PCDH15: variants seen among roughly 807,000 people sequenced by gnomAD.
PCDH15 encodes the protein protocadherin-15.
PCDH15 carries 129 observed loss-of-function variants against 178.5 expected under a neutral mutation model. That is an observed-to-expected ratio of 0.72 (90% CI 0.63 to 0.84). The LOEUF is 0.84. Among genes scored for constraint, PCDH15 ranks in the 40% least tolerant of loss-of-function variants. The pLI, the probability that PCDH15 is intolerant of heterozygous loss-of-function variation, is 0.00. For missense variants in PCDH15, 2,230 were observed against 2,099.9 expected (o/e 1.06, Z -1.21); for synonymous variants, 800 against 732.0 (o/e 1.09, Z -1.50).
chr10:55,449,196 C>T (rs1839381192), intron 2 of PCDH15, among the ~76,000 whole-genome samples: 1 of 151,962 alleles, frequency 6.6e-6, no homozygotes, highest in Admixed American at 6.6e-5. Context: ...CATTGTAAAA[C>T]CTCATTTTAC....
At chr10:54,969,410 C>T (rs1322860949) in intron 2 of PCDH15, among the ~76,000 whole-genome samples, 1 of 152,150 alleles carries the variant, frequency 6.6e-6, no homozygotes, top group Non-Finnish European at 1.5e-5. Flanking sequence ...TAATTTTCCA[C>T]CCTGGCCAGT....
chr10:55,558,515 A>C (rs1842133650), intron 2 of PCDH15, among the ~76,000 whole-genome samples: 1 of 152,144 alleles, frequency 6.6e-6, no homozygotes, highest in Non-Finnish European at 1.5e-5. Flanking sequence ...ATTTTATATG[A>C]AAGTAATTCT....
intron 9 of PCDH15, among the ~76,000 whole-genome samples, chr10:54,216,629 T>A (rs558856773): frequency 6.6e-6 from 1 of 152,310 alleles, no homozygotes; most frequent in Admixed American, 6.5e-5. Context: ...TTAGCAGTTG[T>A]CCCAGTTGGA....
At chr10:54,436,668 C>T (rs1396497977) in intron 3 of PCDH15, among the ~76,000 whole-genome samples, 1 of 152,116 alleles carries the variant, frequency 6.6e-6, no homozygotes, top group African/African-American at 2.4e-5. Flanking sequence ...CCTTAACCTA[C>T]ACACCAAATA....
Position 54,073,757 on chromosome 10 carries a change from T to C in PCDH15, c.2091+5574A>G, listed in dbSNP as rs535877346. On this transcript the variant is annotated intron_variant, in intron 17 of 37. Transcript: ENST00000644397. Reference sequence around the variant, plus strand: ...ATAATATTGCTGAACACACGGAATCTGGTCAGAAATATCTAGGCTACAGAA... The same window carrying C: ...ATAATATTGCTGAACACACGGAATCCGGTCAGAAATATCTAGGCTACAGAA... Among the ~76,000 whole-genome samples, 4 of 152,302 alleles carry C rather than the reference T, an allele frequency of 2.6e-5. No homozygotes were observed. In the East Asian group the frequency reaches 7.7e-4, roughly 29 times the overall value.
At chr10:55,543,586 C>A (rs1185139576) in intron 2 of PCDH15, among the ~76,000 whole-genome samples, 2 of 150,940 alleles carry the variant, frequency 1.3e-5, no homozygotes, top group African/African-American at 4.8e-5. Flanking sequence ...TTAGAGAGAT[C>A]AAATCACATA....
At chr10:54,197,057 A>C (rs1433273660) in intron 10 of PCDH15, among the ~76,000 whole-genome samples, 1 of 152,188 alleles carries the variant, frequency 6.6e-6, no homozygotes, top group East Asian at 1.9e-4. Context: ...TTTATTGCCC[A>C]CTGACCGTCC....
At chr10:55,323,263 A>G (rs1050118624), upstream of PCDH15, among the ~76,000 whole-genome samples, 1 of 152,198 alleles carries the variant, frequency 6.6e-6, no homozygotes, top group Admixed American at 6.5e-5. Context: ...ACAGAAAACC[A>G]CTGCTAGGGC....
At chr10:54,465,124 CTT>C (rs1424599852) in intron 3 of PCDH15, among the ~76,000 whole-genome samples, 2 of 151,958 alleles carry the variant, frequency 1.3e-5, no homozygotes, top group Non-Finnish European at 2.9e-5. Flanking sequence ...ATATTTCTAT[CTT>C]ATTATTGATA....
At chr10:55,546,155 G>T (rs1169816274) in intron 2 of PCDH15, among the ~76,000 whole-genome samples, 1 of 152,010 alleles carries the variant, frequency 6.6e-6, no homozygotes, top group Non-Finnish European at 1.5e-5. Context: ...ATTATATATA[G>T]AAACAACACT....
rs774303589 is a variant in PCDH15, at chr10:53,806,935, A to G, written c.4867T>C (p.Leu1623=). The G allele has an allele frequency of 6.8e-6, 11 of 1,613,850 alleles. No homozygotes were observed. The highest frequency in any genetic ancestry group is 8.5e-6 in the Non-Finnish European group (10 of 1,179,826). The change falls in exon 38 of 38, where the codon TTA becomes CTA. Residue 1623 remains leucine, a synonymous_variant. Transcript: ENST00000644397. Reference sequence around the variant, plus strand: ...AGTCGAACAGGGGAAGCAACTTTTAAGTTGTCCGTGAGGCAGGCACGGCGG... The same window carrying G: ...AGTCGAACAGGGGAAGCAACTTTTAGGTTGTCCGTGAGGCAGGCACGGCGG... ...RTRRACLTDN[L]KVASPVRLGG... is the part of the protein sequence containing the mutation.
chr10:55,501,449 TG>T (rs1358424394), intron 2 of PCDH15, among the ~76,000 whole-genome samples: 1 of 151,778 alleles, frequency 6.6e-6, no homozygotes, highest in Non-Finnish European at 1.5e-5. Flanking sequence ...ATAGTGATTA[TG>T]TATTTGCTAA....
At chr10:53,870,515 TATTC>T (rs1428446100) in intron 26 of PCDH15, among the ~76,000 whole-genome samples, 2 of 152,216 alleles carry the variant, frequency 1.3e-5, no homozygotes, top group Non-Finnish European at 1.5e-5. Flanking sequence ...TTTCAGGAGA[TATTC>T]ATCAAAGATG....
chr10:55,463,643 A>C (rs1164816514), intron 2 of PCDH15, among the ~76,000 whole-genome samples: 1 of 151,936 alleles, frequency 6.6e-6, no homozygotes, highest in Non-Finnish European at 1.5e-5. Flanking sequence ...GTGACACTGA[A>C]GGATAAACTG....
At chr10:54,731,756 A>G (rs556749869) in intron 1 of PCDH15, among the ~76,000 whole-genome samples, 46 of 150,752 alleles carry the variant, frequency 3.1e-4, no homozygotes, top group Non-Finnish European at 1.9e-4. Flanking sequence ...AGTGACTATC[A>G]TGAAGATAGG....
chr10:54,657,741 A>G (rs1244657910), intron 2 of PCDH15, among the ~76,000 whole-genome samples: 15 of 152,216 alleles, frequency 9.9e-5, no homozygotes, highest in African/African-American at 3.6e-4. Context: ...ATAAGAAGTG[A>G]TATCTCCTTT....
intron 13 of PCDH15, among the ~76,000 whole-genome samples, chr10:54,168,016 C>T (rs529728092): frequency 7.3e-5 from 11 of 151,518 alleles, no homozygotes; most frequent in Non-Finnish European, 1.5e-4. Context: ...CTATAGGCAA[C>T]CTTCCACCCT....
chr10:54,892,851 T>C (rs1343702114), intron 3 of PCDH15, among the ~76,000 whole-genome samples: 2 of 151,858 alleles, frequency 1.3e-5, no homozygotes, highest in East Asian at 3.9e-4. Flanking sequence ...CTCAGCTTTC[T>C]GAGTAGCTGA....
chr10:54,023,294 C>T lies in PCDH15; in HGVS notation c.2221-97G>A. Reference sequence around the variant, plus strand: ...TTAACAAATTATGGTATTTTTCTAACCAAAAATTATTTGGCCCTCTAAGGA... The same window carrying T: ...TTAACAAATTATGGTATTTTTCTAATCAAAAATTATTTGGCCCTCTAAGGA... On this transcript the variant is annotated intron_variant, in intron 18 of 37. Coordinates refer to ENST00000644397, the MANE Select transcript of PCDH15 (RefSeq NM_001384140.1). The T allele has an allele frequency of 4.9e-6, 6 of 1,223,144 alleles. No homozygotes were observed. In the South Asian group the frequency reaches 7.9e-5, roughly 16 times the overall value. 75.8% of individuals were successfully genotyped at this position (1,223,144 alleles called of 1,614,324 possible). A position where few individuals can be genotyped will look rare whatever the true frequency, so the allele number is the denominator to read the frequency against.
Sources: gnomAD v4.1 joint callset for allele counts (sites outside exome capture counted in the v4.1 genomes callset) on GRCh38, gnomAD v4.1.1 for gene constraint, MANE v1.5 for transcripts, NCBI Gene and HGNC (gene_info 2026-07-23, HGNC 2026-07-21) for gene names.